The following SLC5A4 variants were observed in gnomAD, a reference collection of about 807,000 sequenced individuals.
The protein encoded by SLC5A4 is probable glucose sensor protein SLC5A4.
SLC5A4 carries 55 observed loss-of-function variants against 70.3 expected under a neutral mutation model. The ratio of observed to expected loss-of-function variants is 0.78; its 90% confidence interval spans 0.63 to 0.98. The LOEUF is 0.98. SLC5A4 is among the 50% of genes least tolerant of loss of function. The pLI is 0.00. For synonymous variants in SLC5A4, 268 were observed against 305.7 expected, an observed-to-expected ratio of 0.88 and a Z score of 1.29; for missense variants, 735 against 839.2, an observed-to-expected ratio of 0.88 and a Z score of 1.53.
the SLC5A4 span, among the ~76,000 whole-genome samples, chr22:32,324,225 A>G: frequency 1.3e-5 from 2 of 151,684 alleles, no homozygotes; most frequent in African/African-American, 2.4e-5. Context: ...ATATATACAT[A>G]TATGTGTATA....
the SLC5A4 span, among the ~76,000 whole-genome samples, chr22:32,336,913 T>C: frequency 6.6e-6 from 1 of 152,224 alleles, no homozygotes; most frequent in South Asian, 2.1e-4. Context: ...CTTCAATAAA[T>C]GCTTGCTGAA....
the SLC5A4 span, among the ~76,000 whole-genome samples, chr22:32,282,019 T>G: frequency 6.6e-6 from 1 of 152,104 alleles, no homozygotes; most frequent in Non-Finnish European, 1.5e-5. Context: ...ATTTTTGTAT[T>G]TTTAGTAGAG....
the SLC5A4 span, among the ~76,000 whole-genome samples, chr22:32,316,260 A>AT: frequency 2.0e-5 from 3 of 148,930 alleles, no homozygotes; most frequent in Non-Finnish European, 4.6e-5. Context: ...TTTTACCATA[A>AT]TTTTAAAAAA....
the SLC5A4 span, among the ~76,000 whole-genome samples, chr22:32,333,196 A>ACCCCC: frequency 1.9e-3 from 263 of 136,766 alleles, 9 homozygotes; most frequent in East Asian, 0.025. Flanking sequence ...TAGCACTGGC[A>ACCCCC]CCCCCCCCCC....
At chr22:32,282,828 A>G in the SLC5A4 span, among the ~76,000 whole-genome samples, 3 of 152,056 alleles carry the variant, frequency 2.0e-5, no homozygotes, top group Admixed American at 6.5e-5. Flanking sequence ...CCTACATCCA[A>G]TCTGTCAGGA....
chr22:32,340,405 A>G, the SLC5A4 span, among the ~76,000 whole-genome samples: 1 of 152,192 alleles, frequency 6.6e-6, no homozygotes, highest in Non-Finnish European at 1.5e-5. Flanking sequence ...ACTGTTCTAT[A>G]TGCTGGGGTC....
At chr22:32,336,033 G>A in the SLC5A4 span, among the ~76,000 whole-genome samples, 1 of 152,202 alleles carries the variant, frequency 6.6e-6, no homozygotes, top group Admixed American at 6.5e-5. Context: ...AATAGTGGGT[G>A]AAATAAAGTA....
chr22:32,222,226 A>G (rs1414396467), intron 13 of SLC5A4, among the ~76,000 whole-genome samples: 2 of 152,200 alleles, frequency 1.3e-5, no homozygotes, highest in African/African-American at 4.8e-5. Flanking sequence ...TCATGTCTTC[A>G]TAAGCTCTTA....
the SLC5A4 span, among the ~76,000 whole-genome samples, chr22:32,316,963 T>TGTGTGTGTGTGTGTGA: frequency 6.7e-6 from 1 of 149,922 alleles, no homozygotes; most frequent in Non-Finnish European, 1.5e-5. Flanking sequence ...TGTGTGTGTG[T>TGTGTGTGTGTGTGTGA]AAAACACAGT....
chr22:32,317,762 G>A, the SLC5A4 span, among the ~76,000 whole-genome samples: 3 of 152,110 alleles, frequency 2.0e-5, no homozygotes, highest in African/African-American at 7.2e-5. Context: ...CACCATCCCT[G>A]GCCCCAACTA....
intron 14 of SLC5A4, among the ~76,000 whole-genome samples, chr22:32,220,409 G>A (rs1925007831): frequency 6.6e-6 from 1 of 152,164 alleles, no homozygotes; most frequent in Non-Finnish European, 1.5e-5. Flanking sequence ...AAGAGCCAGG[G>A]GGATGACTGA....
chr22:32,320,649 C>T, the SLC5A4 span, among the ~76,000 whole-genome samples: 1 of 152,168 alleles, frequency 6.6e-6, no homozygotes, highest in Non-Finnish European at 1.5e-5. Context: ...CTGCCCTGAA[C>T]CTTAGTCTTG....
Position 32,218,719 on chromosome 22 carries a change from G to A in SLC5A4, c.1775C>T (p.Pro592Leu), listed in dbSNP as rs758984098. The change falls in exon 15 of 15, where the codon CCT (proline) becomes CTT (leucine). Residue 592 changes from proline (P) to leucine (L), a missense_variant. By Grantham distance (98) the Pro-to-Leu change is moderately conservative. Coordinates refer to ENST00000266086, the MANE Select transcript of SLC5A4 (RefSeq NM_014227.3). ...CTTGAGGCATCCACGTGATTTCTCA[G>A]GATAATCTGGAACAAAGATAAGCAA... Reference protein sequence around the residue: ...ETDDGVEEDYPEKSRGCLKKA... With the variant: ...ETDDGVEEDYLEKSRGCLKKA... The A allele has an allele frequency of 9.3e-6, 15 of 1,612,548 alleles. No individual in the cohort carries two copies. Among genetic ancestry groups the A allele is most frequent in the Admixed American group, 8.3e-5 (5 of 59,936 alleles).
chr22:32,237,343 G>T lies in SLC5A4; in HGVS notation c.584-19C>A, dbSNP rs1157234566. 6.5e-7 allele frequency: 1 copy of T among 1,546,924 alleles called. No homozygotes were observed. ...AAGCCCCCTAGTGAGAGAAAGAAAAGAACCAGGGCATTTTATCCATGTGTC... is the reference window on the plus strand; with the variant it reads ...AAGCCCCCTAGTGAGAGAAAGAAAATAACCAGGGCATTTTATCCATGTGTC... On this transcript the variant is annotated intron_variant, in intron 6 of 14. Transcript: ENST00000266086.
At chr22:32,269,053 G>C in the SLC5A4 span, among the ~76,000 whole-genome samples, 1 of 151,984 alleles carries the variant, frequency 6.6e-6, no homozygotes, top group Non-Finnish European at 1.5e-5. This position sits in a 1 kb window ranked among gnomAD's most constrained non-coding sequence, Gnocchi z 4.1. Context: ...CCACCACACC[G>C]GGCTAATTTT....
chr22:32,274,620 A>G, the SLC5A4 span, among the ~76,000 whole-genome samples: 5 of 152,210 alleles, frequency 3.3e-5, no homozygotes, highest in Non-Finnish European at 7.3e-5. Context: ...AATATTAAAT[A>G]TCTTTTAAAA....
At chr22:32,342,567 TCTA>T in the SLC5A4 span, among the ~76,000 whole-genome samples, 2 of 152,164 alleles carry the variant, frequency 1.3e-5, no homozygotes, top group African/African-American at 4.8e-5. Flanking sequence ...AGAATTTACT[TCTA>T]CTTCATATAA....
upstream of SLC5A4, among the ~76,000 whole-genome samples, chr22:32,257,606 C>G (rs150312900): frequency 6.9e-3 from 1,046 of 151,702 alleles, 3 homozygotes; most frequent in Non-Finnish European, 0.011. Flanking sequence ...CTTGTCTCAG[C>G]CTCTCAAAGT....
At position 32,251,869 on chromosome 22, in the gene SLC5A4, G is replaced by A. The variant is rs751438943; in HGVS notation, c.213C>T (p.Gly71=). The change falls in exon 3 of 15, where the codon GGC becomes GGT. Residue 71 remains glycine (G), a synonymous_variant. Transcript: ENST00000266086. ...AGRDMAWWPM[G]ASLFASNIGS... is the part of the protein sequence containing the mutation. ...CGATGTTACTGGCAAAGAGAGAGGCGCCCATCTGGAATGCAAGAGAACAGA... is the reference window on the plus strand; with the variant it reads ...CGATGTTACTGGCAAAGAGAGAGGCACCCATCTGGAATGCAAGAGAACAGA... 6.2e-6 allele frequency: 10 copies of A among 1,611,846 alleles called. No individual in the cohort carries two copies. Among genetic ancestry groups the A allele is most frequent in the African/African-American group, 4.0e-5 (3 of 74,890 alleles).
Sources: allele counts gnomAD v4.1 joint callset (sites outside exome capture counted in the v4.1 genomes callset), GRCh38; gene constraint gnomAD v4.1.1; non-coding constraint Gnocchi (gnomAD v3.1); transcripts MANE v1.5; gene names NCBI Gene and HGNC (gene_info 2026-07-23, HGNC 2026-07-21).